The following SWT1 variants were observed in gnomAD, a reference collection of about 807,000 sequenced individuals.
The protein encoded by SWT1 is transcriptional protein SWT1.
Under a neutral mutation model 107.3 loss-of-function variants are expected in SWT1, and 33 were observed. That is an observed-to-expected ratio of 0.31 (90% CI 0.23 to 0.41). The LOEUF is 0.41. Ranked by LOEUF, SWT1 falls within the 10% of genes least tolerant of loss-of-function variation. The probability of loss-of-function intolerance (pLI) is 1.00; values close to 1 mark genes in which losing one functional copy is unlikely to be tolerated. For missense variants in SWT1, 898 were observed against 1,028.9 expected, an observed-to-expected ratio of 0.87 and a Z score of 1.74; for synonymous variants, 345 against 348.3, an observed-to-expected ratio of 0.99 and a Z score of 0.11.
intron 13 of SWT1, among the ~76,000 whole-genome samples, chr1:185,212,143 A>C (rs1346229982): frequency 1.3e-5 from 2 of 152,158 alleles, no homozygotes; most frequent in Non-Finnish European, 2.9e-5. Context: ...CCAACATGGC[A>C]CATATATACA....
At chr1:185,249,291 C>A (rs906489477) in intron 16 of SWT1, among the ~76,000 whole-genome samples, 1 of 152,038 alleles carries the variant, frequency 6.6e-6, no homozygotes, top group Non-Finnish European at 1.5e-5. Context: ...GTGTCATTTC[C>A]CCTACAGTCA....
intron 2 of SWT1, 49 bp downstream of exon 2, chr1:185,160,974 G>C: frequency 7.2e-7 from 1 of 1,393,576 alleles, no homozygotes; most frequent in Non-Finnish European, 1.0e-6. Flanking sequence ...ATTTATTTTT[G>C]CTTAATGAAA....
intron 15 of SWT1, among the ~76,000 whole-genome samples, chr1:185,228,167 GTGTATA>G (rs369727416): frequency 1.1e-4 from 7 of 61,560 alleles, no homozygotes; most frequent in African/African-American, 7.6e-4. Context: ...AAAAAAAAAT[GTGTATA>G]TATATATATA....
At chr1:185,249,257 T>A (rs990729014) in intron 16 of SWT1, among the ~76,000 whole-genome samples, 2 of 152,204 alleles carry the variant, frequency 1.3e-5, no homozygotes, top group Admixed American at 1.3e-4. Flanking sequence ...TTGCCTGTTA[T>A]GGCATTGCCT....
chr1:185,258,306 CATT>C (rs1340520841), intron 16 of SWT1, among the ~76,000 whole-genome samples: 1 of 152,176 alleles, frequency 6.6e-6, no homozygotes, highest in Non-Finnish European at 1.5e-5. Context: ...TATTTTCTAA[CATT>C]ATATAATGTT....
intron 13 of SWT1, among the ~76,000 whole-genome samples, chr1:185,208,618 T>TA (rs1658516191): frequency 1.3e-5 from 2 of 152,148 alleles, no homozygotes; most frequent in African/African-American, 4.8e-5. Flanking sequence ...ACTCCATAAA[T>TA]ATGTACAATT....
At chr1:185,181,809 A>G (rs942905434) in intron 6 of SWT1, 137 bp from the exon 7 acceptor site, 12 of 802,452 alleles carry the variant, frequency 1.5e-5, no homozygotes, top group East Asian at 2.7e-5. Flanking sequence ...TTCTTTTACT[A>G]TGCTCCTTCA....
At chr1:185,286,889 A>G (rs1664977671) in intron 18 of SWT1, among the ~76,000 whole-genome samples, 1 of 152,216 alleles carries the variant, frequency 6.6e-6, no homozygotes, top group Non-Finnish European at 1.5e-5. Context: ...ATAGTGAAAG[A>G]AGCCTTCCTT....
rs187082229 is a variant in SWT1, at chr1:185,206,724, C to A, written c.1933C>A (p.Leu645Ile). The A allele has an allele frequency of 3.2e-5, 51 of 1,607,174 alleles. No individual in the cohort carries two copies. In the East Asian group the frequency reaches 1.1e-3, roughly 35 times the overall value. ...VFGLVMEKNL[L>I]LTIESLYKNL... is the part of the protein sequence containing the mutation. ...TGGATTAGTTATGGAAAAGAACTTGCTTTTAACTATTGAGAGCCTATACAA... is the reference window on the plus strand; with the variant it reads ...TGGATTAGTTATGGAAAAGAACTTGATTTTAACTATTGAGAGCCTATACAA... The change falls in exon 13 of 19, where the codon CTT becomes ATT. Residue 645 changes from leucine to isoleucine, a missense_variant. By Grantham distance (5) the Leu-to-Ile change is conservative. Around this residue, in one of 6 missense-constraint regions of SWT1, gnomAD observed 382 missense variants for 460.0 expected, o/e 0.83. Coordinates refer to ENST00000367500, the MANE Select transcript of SWT1 (RefSeq NM_017673.7).
rs116310975 is a variant in SWT1 at position 185,160,988 on chromosome 1, A to C, written c.84+63A>C. ...AATTTATTTTTGCTTAATGAAAAAA[A>C]TACACCTTACTATTATAATGATTTA... On this transcript the variant is annotated intron_variant, in intron 2 of 18. Transcript: ENST00000367500. 7,833 of 1,152,160 alleles carry C rather than the reference A, an allele frequency of 6.8e-3. 51 individuals are homozygous for C. Among genetic ancestry groups the C allele is most frequent in the Non-Finnish European group, 7.4e-3 (5,736 of 778,814 alleles). The allele number at this position is 1,152,160 out of a possible 1,614,324, so 71.4% of individuals were successfully genotyped here. A position where few individuals can be genotyped will look rare whatever the true frequency, so the allele number is the denominator to read the frequency against.
At chr1:185,163,542 C>T (rs913704104) in intron 2 of SWT1, among the ~76,000 whole-genome samples, 13 of 151,938 alleles carry the variant, frequency 8.6e-5, no homozygotes, top group African/African-American at 2.9e-4. Context: ...TACAGGCACC[C>T]GCCACCATGC....
At chr1:185,277,039 CAT>C (rs1400142177) in intron 18 of SWT1, among the ~76,000 whole-genome samples, 5 of 151,998 alleles carry the variant, frequency 3.3e-5, no homozygotes, top group African/African-American at 7.2e-5. Context: ...ATAACAACTA[CAT>C]GTTAAGATAA....
At chr1:185,194,585 T>C (rs1241974762) in intron 10 of SWT1, among the ~76,000 whole-genome samples, 4 of 151,708 alleles carry the variant, frequency 2.6e-5, no homozygotes, top group Non-Finnish European at 1.5e-5. Flanking sequence ...AAAAAAAAAG[T>C]CTTTTATTAT....
chr1:185,217,479 T>A (rs1266720458), intron 14 of SWT1, among the ~76,000 whole-genome samples: 1 of 152,182 alleles, frequency 6.6e-6, no homozygotes, highest in East Asian at 1.9e-4. Context: ...GAGAATCTAA[T>A]GCCTGATGAT....
In SWT1 at chr1:185,290,548, TATC is replaced by T. The variant is rs2102800546; in HGVS notation, c.2574-123_2574-121del. 5 of 551,820 alleles carry T rather than the reference TATC, an allele frequency of 9.1e-6. No homozygotes were observed. In the South Asian group the frequency reaches 1.9e-4, roughly 21 times the overall value. The allele number at this position is 551,820 out of a possible 1,614,324, so 34.2% of individuals were successfully genotyped here. Reference sequence around the variant, plus strand: ...TCTACAATATATACCTAGTTCAGAATATCATGTTATACATAATATATATATATT... The same window carrying T: ...TCTACAATATATACCTAGTTCAGAATATGTTATACATAATATATATATATT... On this transcript the variant is annotated intron_variant, in intron 18 of 18. Coordinates refer to ENST00000367500, the MANE Select transcript of SWT1 (RefSeq NM_017673.7).
intron 18 of SWT1, chr1:185,281,420 C>T: frequency 4.5e-6 from 1 of 220,268 alleles, no homozygotes; most frequent in Non-Finnish European, 9.4e-6. Context: ...TGTTATGAGA[C>T]ATCAAAGACA....
chr1:185,171,032 T>G (rs1345028225), intron 4 of SWT1, among the ~76,000 whole-genome samples: 1 of 152,058 alleles, frequency 6.6e-6, no homozygotes, highest in African/African-American at 2.4e-5. Flanking sequence ...CTTTTTAAAA[T>G]AAAACAGTGA....
intron 15 of SWT1, among the ~76,000 whole-genome samples, chr1:185,223,121 T>C (rs1659796947): frequency 6.6e-6 from 1 of 152,210 alleles, no homozygotes; most frequent in Admixed American, 6.5e-5. Context: ...TTGAGGAACC[T>C]CTGTACTATT....
intron 13 of SWT1, among the ~76,000 whole-genome samples, chr1:185,212,810 A>AAC (rs893160771): frequency 3.3e-5 from 5 of 151,892 alleles, no homozygotes; most frequent in African/African-American, 1.2e-4. Flanking sequence ...TCTCAAAAAA[A>AAC]AAAAAAAACT....
Sources: allele counts gnomAD v4.1 joint callset (sites outside exome capture counted in the v4.1 genomes callset), GRCh38; gene constraint gnomAD v4.1.1; regional missense constraint gnomAD v4.1.1; transcripts MANE v1.5; gene names NCBI Gene and HGNC (gene_info 2026-07-23, HGNC 2026-07-21).